MEFV: variants seen among roughly 807,000 people sequenced by gnomAD.
The protein encoded by MEFV is pyrin.
Under a neutral mutation model 62.5 loss-of-function variants are expected in MEFV, and 60 were observed. The ratio of observed to expected loss-of-function variants is 0.96; its 90% CI spans 0.78 to 1.19. MEFV has a LOEUF of 1.19. Among genes scored for constraint, MEFV ranks in the 50% most tolerant of loss-of-function variants. The pLI is 0.00. For synonymous variants in MEFV, 500 were observed against 415.2 expected (o/e 1.20, Z -2.48); for missense variants, 1,169 against 1,004.5 (o/e 1.16, Z -2.21).
chr16:3,249,504 A>C lies in MEFV; in HGVS notation c.1187T>G (p.Leu396Arg). 6.2e-7 allele frequency: 1 copy of C among 1,614,192 alleles called. No individual in the cohort carries two copies. The highest frequency in any genetic ancestry group is 1.1e-5 in the South Asian group (1 of 91,086). Residue 396 changes from leucine to arginine, a missense_variant, in exon 3 of 10, where the codon CTC (leucine) becomes CGC (arginine). Coordinates refer to ENST00000219596, the MANE Select transcript of MEFV (RefSeq NM_000243.3). ...GTGCTCCTGACTCAGACTGCAGATGAGGCAGATGGGCTCATCGTGATCCTC... is the reference window on the plus strand; with the variant it reads ...GTGCTCCTGACTCAGACTGCAGATGCGGCAGATGGGCTCATCGTGATCCTC... ...FCEDHDEPIC[L>R]ICSLSQEHQG...
chr16:3,247,052 C>G lies in MEFV; in HGVS notation c.1551G>C (p.Glu517Asp). ...ALLDALIGEL[E>D]AKECQSEWEL... ...CCCATTCTGACTGGCACTCCTTGGC[C>G]TCCAGTTCCCCAATCAGCGCATCGA... The change falls in exon 5 of 10, where the codon GAG becomes GAC. Residue 517 changes from glutamate to aspartate, a missense_variant. Glu to Asp is a conservative substitution (Grantham distance 45, BLOSUM62 2). Transcript: ENST00000219596. The G allele has an allele frequency of 2.5e-6, 4 of 1,614,190 alleles. No homozygotes were observed. The highest frequency in any genetic ancestry group is 3.4e-6 in the Non-Finnish European group (4 of 1,180,016).
Position 3,249,775 on chromosome 16 carries a change from G to C in MEFV, c.916C>G (p.Pro306Ala). 6.2e-7 allele frequency: 1 copy of C among 1,613,708 alleles called. No individual in the cohort carries two copies. Among genetic ancestry groups the C allele is most frequent in the Non-Finnish European group, 8.5e-7 (1 of 1,179,784 alleles). The change falls in exon 3 of 10, where the codon CCA (proline) becomes GCA (alanine). Residue 306 changes from proline to alanine, a missense_variant. Coordinates refer to ENST00000219596, the MANE Select transcript of MEFV (RefSeq NM_000243.3). ...GNPEHSVTGR[P>A]PDTAASPRCH... ...CGGGGACTCGCAGCCGTGTCTGGTG[G>C]CCTTCCTGGGGACATGCAGTGGAAA...
chr16:3,244,005 G>A (rs1183010099), intron 8 of MEFV, 113 bp from the exon 9 acceptor site: 3 of 1,561,548 alleles, frequency 1.9e-6, no homozygotes, highest in Non-Finnish European at 2.6e-6. Flanking sequence ...TTAGGGCCCT[G>A]CATGCTATGT....
chr16:3,247,194 T>C lies in MEFV; in HGVS notation c.1409A>G (p.Tyr470Cys). ...ATGCTCTTGCTGCTCCAGGAAGTAG[T>C]ACACCTGCTCCAGCTTCCTCTGCAC... ...QRVQRKLEQVYYFLEQQEHFF... is the reference protein window; with the variant it reads ...QRVQRKLEQVCYFLEQQEHFF... Residue 470 changes from tyrosine (Y) to cysteine (C), a missense_variant, in exon 5 of 10, where the codon TAC becomes TGC. Physicochemically the swap from Tyr to Cys is radical, Grantham distance 194 (BLOSUM62 -2). Coordinates refer to ENST00000219596, the MANE Select transcript of MEFV (RefSeq NM_000243.3). The C allele has an allele frequency of 6.2e-7, 1 of 1,614,184 alleles. No individual in the cohort carries two copies. The highest frequency in any genetic ancestry group is 8.5e-7 in the Non-Finnish European group (1 of 1,180,032).
chr16:3,253,392 C>T (rs1022864168), intron 2 of MEFV, among the ~76,000 whole-genome samples: 3 of 152,162 alleles, frequency 2.0e-5, no homozygotes, highest in Non-Finnish European at 4.4e-5. Flanking sequence ...ACTCTAAAAT[C>T]GCCCTGCCTC....
chr16:3,246,499 G>A lies in MEFV; in HGVS notation c.1610+26C>T, dbSNP rs748869270. ...CATATGCTTTCTGCAAGACACCCCA[G>A]GGTACACCACAGGACCTCGCTGTAC... On this transcript the variant is annotated intron_variant, in intron 6 of 9. Transcript: ENST00000219596. 1.1e-5 allele frequency: 17 copies of A among 1,613,808 alleles called. No individual in the cohort carries two copies. The Admixed American group carries it at 2.0e-4, about 19-fold the overall frequency.
At chr16:3,254,927 A>G (rs1959094484) in intron 1 of MEFV, 137 bp from the exon 2 acceptor site, 2 of 1,415,830 alleles carry the variant, frequency 1.4e-6, no homozygotes, top group African/African-American at 2.8e-5. Context: ...GCGGTGGCTC[A>G]TGCCTGTATT....
At chr16:3,249,894 A>G (rs986295277) in intron 2 of MEFV, 114 bp from the exon 3 acceptor site, 30 of 870,186 alleles carry the variant, frequency 3.4e-5, no homozygotes, top group Non-Finnish European at 5.4e-5. Context: ...GTTCTCAGTT[A>G]GACTCTGCCC....
intron 1 of MEFV, 148 bp from the exon 2 acceptor site, chr16:3,254,938 C>CCCAGAGTG: frequency 7.5e-7 from 1 of 1,338,684 alleles, no homozygotes; most frequent in Non-Finnish European, 1.0e-6. Flanking sequence ...TGCCTGTATT[C>CCCAGAGTG]CCGGCACTCT....
At position 3,243,432 on chromosome 16, in the gene MEFV, C is replaced by T. The variant is rs375378545; in HGVS notation, c.2055G>A (p.Glu685=). The part of the protein sequence containing the change: ...SRKGNMTLSP[E]NGYWVVIMMK... Reference sequence around the variant, plus strand: ...TCATTATCACCACCCAGTAGCCATTCTCTGGCGACAGAGTCATGTTCCCTT... The same window carrying T: ...TCATTATCACCACCCAGTAGCCATTTTCTGGCGACAGAGTCATGTTCCCTT... Residue 685 remains glutamate (E), a synonymous_variant, in exon 10 of 10, where the codon GAG becomes GAA. Transcript: ENST00000219596. 4.3e-6 allele frequency: 7 copies of T among 1,614,174 alleles called. No individual in the cohort carries two copies. Among genetic ancestry groups the T allele is most frequent in the Middle Eastern group, 1.6e-4 (1 of 6,062 alleles).
Position 3,249,719 on chromosome 16 carries a change from G to A in MEFV, c.972C>T (p.Asp324=), listed in dbSNP as rs140776637. The A allele has an allele frequency of 2.8e-5, 45 of 1,613,904 alleles. No individual in the cohort carries two copies. In the African/African-American group the frequency reaches 3.1e-4, roughly 11 times the overall value. The change falls in exon 3 of 10, where the codon GAC becomes GAT. Residue 324 remains aspartate, a synonymous_variant. Coordinates refer to ENST00000219596, the MANE Select transcript of MEFV (RefSeq NM_000243.3). ...TGCAGGAATCACGCACACAGGTACC[G>A]TCAACTGGGTCTCCTTCCTGGGCGT... is the stretch of plus-strand genomic sequence containing the variant. The part of the protein sequence containing the change: ...RCHAQEGDPV[D]GTCVRDSCSF...
intron 6 of MEFV, among the ~76,000 whole-genome samples, chr16:3,245,300 AAAGG>A (rs931118582): frequency 2.0e-5 from 3 of 151,534 alleles, no homozygotes; most frequent in Non-Finnish European, 4.4e-5. Context: ...AGAAGAAAAG[AAAGG>A]AAGGAAGGAA....
In MEFV at chr16:3,254,129, G is replaced by C. The variant is rs11466019; in HGVS notation, c.910+29C>G. On this transcript the variant is annotated intron_variant, in intron 2 of 9. Transcript: ENST00000219596. ...GGCCAGCCATTCTTTCTCTGCAGCC[G>C]ATATAAAGTAGGAAAGAACACAATT... 1.5e-3 allele frequency: 2,438 copies of C among 1,610,612 alleles called. 34 individuals carry two copies. The African/African-American group carries it at 0.028, about 19-fold the overall frequency.
At position 3,254,276 on chromosome 16, in the gene MEFV, C is replaced by A. The variant is rs1326108510; in HGVS notation, c.792G>T (p.Glu264Asp). The change falls in exon 2 of 10, where the codon GAG becomes GAT. Residue 264 changes from glutamate to aspartate, a missense_variant. Physicochemically the swap from Glu to Asp is conservative, Grantham distance 45 (BLOSUM62 2). Coordinates refer to ENST00000219596, the MANE Select transcript of MEFV (RefSeq NM_000243.3). Reference protein sequence around the residue: ...PANPEILLTLEEKTAANLDSA... With the variant: ...PANPEILLTLDEKTAANLDSA... ...AGTCCAGATTCGCAGCTGTCTTTTC[C>A]TCTAGAGTCAGGAGAATTTCTGGAT... 6.2e-7 allele frequency: 1 copy of A among 1,614,272 alleles called. No homozygotes were observed. The highest frequency in any genetic ancestry group is 1.7e-5 in the Admixed American group (1 of 60,032).
At position 3,243,250 on chromosome 16, in the gene MEFV, C is replaced by T; in HGVS notation, c.2237G>A (p.Cys746Tyr). 6.2e-7 allele frequency: 1 copy of T among 1,614,180 alleles called. No individual in the cohort carries two copies. The highest frequency in any genetic ancestry group is 8.5e-7 in the Non-Finnish European group (1 of 1,180,036). ...ARSHIYTFAS[C>Y]SFSGPLQPIF... is the part of the protein sequence containing the mutation. The stretch of plus-strand genomic sequence containing the variant: ...AGGTTGAAGGGGCCCAGAGAAAGAG[C>T]AGCTGGCGAATGTATAGATGTGGGA... The change falls in exon 10 of 10, where the codon TGC becomes TAC. Residue 746 changes from cysteine (C) to tyrosine (Y), a missense_variant. By Grantham distance (194) the Cys-to-Tyr change is radical (BLOSUM62 -2). Coordinates refer to ENST00000219596, the MANE Select transcript of MEFV (RefSeq NM_000243.3).
At chr16:3,244,097 G>A (rs1033479083) in intron 8 of MEFV, 157 bp downstream of exon 8, 35 of 1,552,266 alleles carry the variant, frequency 2.3e-5, no homozygotes, top group Admixed American at 3.9e-5. Context: ...AATGAGTCAC[G>A]CACAGAGCCT....
At chr16:3,246,199 T>C (rs556063727) in intron 6 of MEFV, among the ~76,000 whole-genome samples, 1 of 152,268 alleles carries the variant, frequency 6.6e-6, no homozygotes, top group African/African-American at 2.4e-5. Context: ...CCAGTAGGCC[T>C]GAAGGGGCAG....
Position 3,242,965 on chromosome 16 carries a change from C to A in MEFV, c.*176G>T. On this transcript the variant is annotated 3_prime_UTR_variant, in exon 10 of 10. Transcript: ENST00000219596. ...ACATGTCTTCACCCGGATTGACTAA[C>A]ATGTTCGTTCCTAACTTACCTCTGC... The A allele has an allele frequency of 2.9e-6, 2 of 691,516 alleles. No homozygotes were observed. Among genetic ancestry groups the A allele is most frequent in the Non-Finnish European group, 2.5e-6 (1 of 398,048 alleles). 42.8% of individuals were successfully genotyped at this position (691,516 alleles called of 1,614,324 possible).
Position 3,254,503 on chromosome 16 carries a change from C to T in MEFV, c.565G>A (p.Gly189Ser), listed in dbSNP as rs954876239. The T allele has an allele frequency of 3.8e-6, 6 of 1,569,660 alleles. No individual in the cohort carries two copies. Among genetic ancestry groups the T allele is most frequent in the Admixed American group, 3.8e-5 (2 of 52,978 alleles). ...CCCCCCTCTAGCGCCCTGCAGGGGC[C>T]GGGGCTTCTCCCGCCCGGCAGGGCC... ...SPALPGGRSPGPCRALEGGQA... is the reference protein window; with the variant it reads ...SPALPGGRSPSPCRALEGGQA... Residue 189 changes from glycine to serine, a missense_variant, in exon 2 of 10, where the codon GGC (glycine) becomes AGC (serine). Physicochemically the swap from Gly to Ser is moderately conservative, Grantham distance 56. Coordinates refer to ENST00000219596, the MANE Select transcript of MEFV (RefSeq NM_000243.3).
Sources: allele counts gnomAD v4.1 joint callset (sites outside exome capture counted in the v4.1 genomes callset), GRCh38; gene constraint gnomAD v4.1.1; transcripts MANE v1.5; gene names NCBI Gene and HGNC (gene_info 2026-07-23, HGNC 2026-07-21).